The following ATP2B2 variants were observed in gnomAD, a reference collection of about 807,000 sequenced individuals.
ATP2B2 encodes the protein plasma membrane calcium-transporting ATPase 2.
ATP2B2 carries 15 observed loss-of-function variants against 120.0 expected under a neutral mutation model. The ratio of observed to expected loss-of-function variants is 0.12; its 90% CI spans 0.08 to 0.19. The LOEUF is 0.19. Among genes scored for constraint, ATP2B2 ranks in the 10% least tolerant of loss-of-function variants. ATP2B2 has a pLI of 1.00. For missense variants in ATP2B2, 1,045 were observed against 1,719.8 expected (o/e 0.61, Z 6.94); for synonymous variants, 694 against 700.3 (o/e 0.99, Z 0.14).
chr3:10,360,094 C>G lies in ATP2B2; in HGVS notation c.1689G>C (p.Arg563=), dbSNP rs1411815062. 6.2e-7 allele frequency: 1 copy of G among 1,602,022 alleles called. No individual in the cohort carries two copies. Among genetic ancestry groups the G allele is most frequent in the African/African-American group, 1.3e-5 (1 of 74,730 alleles). Residue 563 remains arginine, a synonymous_variant, in exon 13 of 23, where the codon CGG becomes CGC. Transcript: ENST00000360273. The part of the protein sequence containing the change: ...LPPEKEGALP[R]QVGNKTECGL... ...CGCACTCCGTCTTGTTGCCCACCTG[C>G]CGAGGCAGGGCGCCCTCCTTCTCTG...
intron 1 of ATP2B2, among the ~76,000 whole-genome samples, chr3:10,672,281 C>A (rs2071120805): frequency 6.6e-6 from 1 of 152,182 alleles, no homozygotes; most frequent in African/African-American, 2.4e-5. Context: ...TGTGAATACA[C>A]CTGTGGGTTC....
intron 1 of ATP2B2, among the ~76,000 whole-genome samples, chr3:10,632,635 T>C (rs1461652978): frequency 6.6e-6 from 1 of 152,236 alleles, no homozygotes; most frequent in Non-Finnish European, 1.5e-5. Context: ...AGCTCTGGCC[T>C]TGCCACAAAG....
intron 1 of ATP2B2, among the ~76,000 whole-genome samples, chr3:10,642,435 C>G (rs1489664695): frequency 1.3e-5 from 2 of 152,106 alleles, no homozygotes; most frequent in East Asian, 3.8e-4. Flanking sequence ...TCACTGGCCT[C>G]AGGAGCCTAT....
At chr3:10,569,544 G>GA (rs1369041467) in intron 2 of ATP2B2, among the ~76,000 whole-genome samples, 2 of 151,836 alleles carry the variant, frequency 1.3e-5, no homozygotes, top group Non-Finnish European at 2.9e-5. Context: ...TTATGAACCA[G>GA]AAAAAAAATG....
intron 1 of ATP2B2, among the ~76,000 whole-genome samples, chr3:10,640,414 C>T (rs1214912896): frequency 6.6e-6 from 1 of 152,104 alleles, no homozygotes; most frequent in African/African-American, 2.4e-5. Flanking sequence ...TTTCAGGCTG[C>T]AAATACTGCA....
At chr3:10,617,591 G>A (rs2069428376) in intron 2 of ATP2B2, among the ~76,000 whole-genome samples, 1 of 152,220 alleles carries the variant, frequency 6.6e-6, no homozygotes, top group Non-Finnish European at 1.5e-5. Context: ...CATGCCCAAG[G>A]CCATGCATAG....
At chr3:10,575,191 G>A (rs1389331592) in intron 2 of ATP2B2, among the ~76,000 whole-genome samples, 1 of 152,128 alleles carries the variant, frequency 6.6e-6, no homozygotes, top group Non-Finnish European at 1.5e-5. Context: ...CACCACTTAG[G>A]CTCCAGCACC....
At chr3:10,631,722 A>G (rs1006608093) in intron 1 of ATP2B2, among the ~76,000 whole-genome samples, 1 of 152,234 alleles carries the variant, frequency 6.6e-6, no homozygotes, top group Non-Finnish European at 1.5e-5. Context: ...CTCCTCCCTT[A>G]GAAAGGAGGC....
chr3:10,331,192 T>C (rs1241711087), intron 22 of ATP2B2, among the ~76,000 whole-genome samples: 1 of 152,240 alleles, frequency 6.6e-6, no homozygotes, highest in Non-Finnish European at 1.5e-5. Flanking sequence ...GTGGCTGCTC[T>C]GAGCTCTTTC....
chr3:10,375,974 C>T lies in ATP2B2; in HGVS notation c.1202-330G>A, dbSNP rs1349818975. 3.3e-5 allele frequency among the ~76,000 whole-genome samples: 5 copies of T among 152,148 alleles called. No individual in the cohort carries two copies. Among genetic ancestry groups the T allele is most frequent in the East Asian group, 1.9e-4 (1 of 5,192 alleles). On this transcript the variant is annotated intron_variant, in intron 10 of 22. Coordinates refer to ENST00000360273, the MANE Select transcript of ATP2B2 (RefSeq NM_001001331.4). This position sits in a 1 kb window ranked among gnomAD's most constrained non-coding sequence, Gnocchi z 4.2. ...TAGTAGGTGCTCAAGAGATGTGTGC[C>T]GAGTGACTGTGTGAATAAAGGAGGA...
At chr3:10,345,317 G>A in intron 18 of ATP2B2, 67 bp downstream of exon 18, 1 of 1,568,218 alleles carries the variant, frequency 6.4e-7, no homozygotes, top group South Asian at 1.1e-5. Flanking sequence ...GTACCCTAAG[G>A]CCCCCGAGCC....
chr3:10,611,274 C>T (rs1012034514), intron 2 of ATP2B2, among the ~76,000 whole-genome samples: 20 of 152,206 alleles, frequency 1.3e-4, no homozygotes, highest in Admixed American at 1.3e-3. Context: ...GCAAGGCCCT[C>T]TGACCCTGTT....
rs146068960 is a variant in ATP2B2 at position 10,690,802 on chromosome 3, G to T, written c.-460+17113C>A. On this transcript the variant is annotated intron_variant, in intron 1 of 21. Transcript: ENST00000646379. The stretch of plus-strand genomic sequence containing the variant: ...CAACTGCCCTGGTTATGAATTATAT[G>T]AATTATATGAATTCTCACCTGGTTA... 3.8e-3 allele frequency among the ~76,000 whole-genome samples: 576 copies of T among 152,260 alleles called. 1 individual carries two copies. The highest frequency in any genetic ancestry group is 0.013 in the African/African-American group (540 of 41,542).
At chr3:10,700,885 G>T (rs2071805988) in intron 1 of ATP2B2, among the ~76,000 whole-genome samples, 1 of 152,192 alleles carries the variant, frequency 6.6e-6, no homozygotes, top group Non-Finnish European at 1.5e-5. Flanking sequence ...AGAAGAAATG[G>T]GGAAAAATAG....
Position 10,388,234 on chromosome 3 carries a change from C to A in ATP2B2, c.907+43G>T, listed in dbSNP as rs1408670227. 3.1e-6 allele frequency: 5 copies of A among 1,613,604 alleles called. No homozygotes were observed. The South Asian group carries it at 5.5e-5, about 18-fold the overall frequency. ...ACAAATAAACAAAAAAAAAATGTGG[C>A]CTTAAGAGCTCCTCTCCTGGTCTGC... On this transcript the variant is annotated intron_variant, in intron 6 of 22. Transcript: ENST00000360273.
chr3:10,658,789 T>C (rs1418073762), intron 1 of ATP2B2, among the ~76,000 whole-genome samples: 6 of 151,862 alleles, frequency 4.0e-5, no homozygotes, highest in African/African-American at 9.7e-5. Context: ...AGACACATAA[T>C]TGTCAGATTC....
chr3:10,674,439 A>G (rs2071195385), intron 1 of ATP2B2, among the ~76,000 whole-genome samples: 2 of 152,246 alleles, frequency 1.3e-5, no homozygotes, highest in South Asian at 2.1e-4. Context: ...GATTCTTACT[A>G]CTTGTAAAGA....
At chr3:10,683,754 G>GTGTGTGTGTGTGTA (rs2071440308) in intron 1 of ATP2B2, among the ~76,000 whole-genome samples, 1 of 29,566 alleles carries the variant, frequency 3.4e-5, no homozygotes, top group African/African-American at 1.8e-4. Flanking sequence ...ATATATGTGT[G>GTGTGTGTGTGTGTA]TGTGTGTATA....
chr3:10,682,897 G>C (rs2071415991), intron 1 of ATP2B2, among the ~76,000 whole-genome samples: 1 of 152,214 alleles, frequency 6.6e-6, no homozygotes, highest in Non-Finnish European at 1.5e-5. Flanking sequence ...TGTAACCAAA[G>C]AACAAAGGTC....
Sources: allele counts gnomAD v4.1 joint callset (sites outside exome capture counted in the v4.1 genomes callset), GRCh38; gene constraint gnomAD v4.1.1; non-coding constraint Gnocchi (gnomAD v3.1); transcripts MANE v1.5; gene names NCBI Gene and HGNC (gene_info 2026-07-23, HGNC 2026-07-21).